CADM2: variants seen among roughly 807,000 people sequenced by gnomAD.
CADM2 encodes the protein cell adhesion molecule 2, also known as immunoglobulin superfamily member 4D.
In CADM2, 12 loss-of-function variants were observed where a neutral mutation model predicts 49.8. The observed-to-expected ratio is 0.24, with a 90% confidence interval of 0.15 to 0.39. The LOEUF is 0.39. CADM2 is among the 10% of genes least tolerant of loss of function. CADM2 has a pLI of 1.00. For synonymous variants in CADM2, 214 were observed against 175.4 expected (o/e 1.22, Z -1.74); for missense variants, 378 against 492.3 (o/e 0.77, Z 2.20).
At chr3:85,181,376 T>G (rs758069214) in intron 1 of CADM2, among the ~76,000 whole-genome samples, 42 of 152,192 alleles carry the variant, frequency 2.8e-4, no homozygotes, top group Middle Eastern at 3.4e-3. Context: ...ATGTTGGGGA[T>G]AAGTTGAGAA....
At chr3:85,393,208 A>C (rs2034606525) in intron 1 of CADM2, among the ~76,000 whole-genome samples, 1 of 152,196 alleles carries the variant, frequency 6.6e-6, no homozygotes, top group Non-Finnish European at 1.5e-5. Flanking sequence ...AGCTGTATAC[A>C]GTAAGTCAAA....
chr3:85,455,680 C>A (rs973638726), intron 1 of CADM2, among the ~76,000 whole-genome samples: 3 of 152,120 alleles, frequency 2.0e-5, no homozygotes, highest in African/African-American at 7.2e-5. Flanking sequence ...GTAGTTGCAA[C>A]TGAAGGCTTC....
intron 8 of CADM2, among the ~76,000 whole-genome samples, chr3:85,965,443 C>T (rs1725359439): frequency 6.6e-6 from 1 of 151,188 alleles, no homozygotes; most frequent in Non-Finnish European, 1.5e-5. Flanking sequence ...TTCTAGTAGT[C>T]TTATTATACC....
intron 3 of CADM2, among the ~76,000 whole-genome samples, chr3:85,833,971 C>T (rs1577431276): frequency 6.6e-6 from 1 of 151,658 alleles, no homozygotes; most frequent in South Asian, 2.1e-4. Flanking sequence ...TTTAACAGTA[C>T]TAATTCTTCC....
intron 1 of CADM2, among the ~76,000 whole-genome samples, chr3:85,328,709 GA>G (rs2107139624): frequency 6.6e-6 from 1 of 152,214 alleles, no homozygotes; most frequent in South Asian, 2.1e-4. Flanking sequence ...CTAAATCAAT[GA>G]TTAAAATGTT....
chr3:85,006,331 C>A lies in CADM2; in HGVS notation c.61+46663C>A, dbSNP rs1199337505. On this transcript the variant is annotated intron_variant, in intron 1 of 9. Transcript: ENST00000383699. ...TAGATTGGCTGTTTGAGCCACACAA[C>A]CTTAGATCACATTCACTGTCAGAGA... Among the ~76,000 whole-genome samples, 8 of 152,076 alleles carry A rather than the reference C, an allele frequency of 5.3e-5. No homozygotes were observed. The East Asian group carries it at 1.5e-3, about 29-fold the overall frequency.
intron 1 of CADM2, among the ~76,000 whole-genome samples, chr3:85,679,575 G>T (rs984035112): frequency 2.0e-5 from 3 of 152,250 alleles, no homozygotes; most frequent in Middle Eastern, 3.4e-3. Flanking sequence ...TTTTTCCTAA[G>T]AATCCAATTT....
chr3:85,195,191 T>G (rs2041311843), intron 1 of CADM2, among the ~76,000 whole-genome samples: 1 of 152,162 alleles, frequency 6.6e-6, no homozygotes, highest in Non-Finnish European at 1.5e-5. Flanking sequence ...ACTTTTATAG[T>G]AAGACTTGGA....
chr3:85,446,584 G>T (rs561247449), intron 1 of CADM2, among the ~76,000 whole-genome samples: 41 of 147,124 alleles, frequency 2.8e-4, no homozygotes, highest in Non-Finnish European at 3.4e-4. Flanking sequence ...AAGTGTGTGT[G>T]TGAGTTTTTT....
intron 1 of CADM2, among the ~76,000 whole-genome samples, chr3:85,647,209 T>C (rs1279375397): frequency 6.6e-6 from 1 of 151,874 alleles, no homozygotes; most frequent in East Asian, 1.9e-4. Flanking sequence ...ATTTTCTTGC[T>C]AAAACTTGTA....
At chr3:86,040,334 A>G (rs1285759638) in intron 8 of CADM2, among the ~76,000 whole-genome samples, 1 of 152,006 alleles carries the variant, frequency 6.6e-6, no homozygotes, top group Non-Finnish European at 1.5e-5. Context: ...AAAAACCTTG[A>G]AAAAAAATTA....
chr3:85,604,355 A>G (rs1377003241), intron 1 of CADM2, among the ~76,000 whole-genome samples: 1 of 151,836 alleles, frequency 6.6e-6, no homozygotes, highest in Non-Finnish European at 1.5e-5. Context: ...ACTACCTGAT[A>G]CTGTATCTAC....
chr3:85,769,505 ATATATACACGTATATACATATAT>A (rs1374831965), intron 2 of CADM2, among the ~76,000 whole-genome samples: 1 of 67,512 alleles, frequency 1.5e-5, no homozygotes, highest in African/African-American at 5.4e-5. Flanking sequence ...ACATATATGT[ATATATACACGTATATACATATAT>A]GTATATATAC....
At chr3:86,028,492 G>C (rs1018880721) in intron 8 of CADM2, among the ~76,000 whole-genome samples, 1 of 152,104 alleles carries the variant, frequency 6.6e-6, no homozygotes, top group African/African-American at 2.4e-5. Flanking sequence ...ATATGAGAGA[G>C]TTTCAAAAAT....
At position 85,274,019 on chromosome 3, in the gene CADM2, A is replaced by G. The variant is rs113495320; in HGVS notation, c.61+314351A>G. ...ATGAGTTGTCACAGAAACTACTTCA[A>G]GAAGGAGTGAGAAAGGTTAACTGGA... On this transcript the variant is annotated intron_variant, in intron 1 of 9. Coordinates refer to ENST00000383699, the MANE Select transcript of CADM2 (RefSeq NM_001167675.2). 7.0e-3 allele frequency among the ~76,000 whole-genome samples: 1,054 copies of G among 151,564 alleles called. 8 individuals carry two copies. Among genetic ancestry groups the G allele is most frequent in the African/African-American group, 0.023 (970 of 41,468 alleles).
At chr3:85,820,932 G>T (rs2073518474) in intron 3 of CADM2, among the ~76,000 whole-genome samples, 1 of 152,082 alleles carries the variant, frequency 6.6e-6, no homozygotes, top group African/African-American at 2.4e-5. Context: ...TTTACAAAAA[G>T]AGCTTTCCAA....
At chr3:85,100,372 T>C (rs964955213) in intron 1 of CADM2, among the ~76,000 whole-genome samples, 27 of 152,212 alleles carry the variant, frequency 1.8e-4, no homozygotes, top group Non-Finnish European at 2.5e-4. Context: ...CTATATATTA[T>C]CTTCTCATAA....
chr3:85,070,875 G>A (rs1292587642), intron 1 of CADM2, among the ~76,000 whole-genome samples: 1 of 151,948 alleles, frequency 6.6e-6, no homozygotes, highest in Non-Finnish European at 1.5e-5. Flanking sequence ...TGTAGTCTCA[G>A]CTACTGGGGA....
At chr3:85,163,107 C>T (rs900664116) in intron 1 of CADM2, among the ~76,000 whole-genome samples, 1 of 151,982 alleles carries the variant, frequency 6.6e-6, no homozygotes, top group Non-Finnish European at 1.5e-5. Flanking sequence ...CATGTTATTA[C>T]ATGTCATATT....
Sources: allele counts gnomAD v4.1 joint callset (sites outside exome capture counted in the v4.1 genomes callset), GRCh38; gene constraint gnomAD v4.1.1; transcripts MANE v1.5; gene names NCBI Gene and HGNC (gene_info 2026-07-23, HGNC 2026-07-21).